DGKD: variants seen among roughly 807,000 people sequenced by gnomAD.
The protein encoded by DGKD is diacylglycerol kinase delta.
A neutral mutation model predicts 154.4 loss-of-function variants in DGKD; 68 were observed. The ratio of observed to expected loss-of-function variants is 0.44; its 90% CI spans 0.36 to 0.54. The LOEUF (loss-of-function observed/expected upper bound fraction) is 0.54, where lower values mean the gene tolerates loss of function less well. Ranked by LOEUF, DGKD falls within the 20% of genes least tolerant of loss-of-function variation. The pLI is 0.00. For missense variants in DGKD, 1,343 were observed against 1,593.6 expected (o/e 0.84, Z 2.68); for synonymous variants, 693 against 638.0 (o/e 1.09, Z -1.30).
intron 1 of DGKD, among the ~76,000 whole-genome samples, chr2:233,359,559 T>G (rs1043875244): frequency 6.6e-6 from 1 of 151,788 alleles, no homozygotes; most frequent in East Asian, 1.9e-4. Context: ...CAGCTCAGGC[T>G]GGTCTGAGTC....
chr2:233,450,910 GTGT>G lies in DGKD; in HGVS notation c.2039-7_2039-5del. ...CCACACAGCTGTAAGGTTTTCTGCT[GTGT>G]TGTTACAGTGTCGAAATCTCCGTGT... On this transcript the variant is annotated splice_polypyrimidine_tract_variant and intron_variant, in intron 16 of 29. Coordinates refer to ENST00000264057, the MANE Select transcript of DGKD (RefSeq NM_152879.3). The G allele has an allele frequency of 6.3e-7, 1 of 1,594,370 alleles. No homozygotes were observed. Among genetic ancestry groups the G allele is most frequent in the Non-Finnish European group, 8.6e-7 (1 of 1,163,414 alleles).
intron 1 of DGKD, among the ~76,000 whole-genome samples, chr2:233,368,673 C>T (rs983836111): frequency 1.2e-4 from 19 of 152,122 alleles, no homozygotes; most frequent in African/African-American, 3.1e-4. Flanking sequence ...GTTTCTCTCC[C>T]CCCAACCCTA....
intron 1 of DGKD, among the ~76,000 whole-genome samples, chr2:233,383,880 A>G (rs1019293160): frequency 3.3e-5 from 5 of 152,186 alleles, no homozygotes; most frequent in African/African-American, 1.2e-4. Context: ...TTCTGATGAT[A>G]GCATTGAGGG....
chr2:233,448,500 A>G, intron 14 of DGKD, 125 bp downstream of exon 14: 1 of 798,452 alleles, frequency 1.3e-6, no homozygotes, highest in Non-Finnish European at 2.0e-6. Context: ...ATTAGACAAA[A>G]CGCACAGTAA....
In DGKD at chr2:233,419,634, C is replaced by T. The variant is rs1484956153; in HGVS notation, c.349-14746C>T. On this transcript the variant is annotated intron_variant, in intron 3 of 29. Coordinates refer to ENST00000264057, the MANE Select transcript of DGKD (RefSeq NM_152879.3). ...ACTTTACTCATGTGCTAGAAACATT[C>T]TGTGGTTCTCACCTGGCCAGACAGA... Among the ~76,000 whole-genome samples the T allele has an allele frequency of 5.9e-5, 9 of 152,184 alleles. 1 individual carries two copies.
intron 1 of DGKD, among the ~76,000 whole-genome samples, chr2:233,373,291 A>C (rs1418324283): frequency 6.6e-6 from 1 of 152,234 alleles, no homozygotes; most frequent in African/African-American, 2.4e-5. Context: ...ATAAGATGGA[A>C]TAGGAAATAA....
intron 3 of DGKD, among the ~76,000 whole-genome samples, chr2:233,412,758 A>G (rs1024992408): frequency 6.6e-6 from 1 of 152,096 alleles, no homozygotes; most frequent in Non-Finnish European, 1.5e-5. Flanking sequence ...CAGTTTGAGG[A>G]TGTTCTTTAC....
chr2:233,382,675 C>T (rs531383884), intron 1 of DGKD, among the ~76,000 whole-genome samples: 23 of 152,232 alleles, frequency 1.5e-4, no homozygotes, highest in South Asian at 1.5e-3. Context: ...TCTTTTACTG[C>T]GTAAATGTGG....
At chr2:233,414,079 C>G (rs1220027176) in intron 3 of DGKD, among the ~76,000 whole-genome samples, 1 of 152,162 alleles carries the variant, frequency 6.6e-6, no homozygotes, top group Non-Finnish European at 1.5e-5. Context: ...ATATGATTCC[C>G]TGACTGGGAA....
At chr2:233,394,691 CTTTTT>C (rs1162430401) in intron 3 of DGKD, among the ~76,000 whole-genome samples, 2 of 26,386 alleles carry the variant, frequency 7.6e-5, no homozygotes, top group Non-Finnish European at 1.3e-4. Flanking sequence ...ATTTAATTCC[CTTTTT>C]TTTTTTTTTT....
At position 233,435,809 on chromosome 2, in the gene DGKD, C is replaced by G; in HGVS notation, c.587-9C>G. 6.2e-7 allele frequency: 1 copy of G among 1,610,250 alleles called. No homozygotes were observed. The highest frequency in any genetic ancestry group is 8.5e-7 in the Non-Finnish European group (1 of 1,178,054). On this transcript the variant is annotated splice_polypyrimidine_tract_variant and intron_variant, in intron 5 of 29. Coordinates refer to ENST00000264057, the MANE Select transcript of DGKD (RefSeq NM_152879.3). ...CAGCTTGTAGGCTCATGTGCCCCTTCTCTCACAGTGTGCAAATTTAAGGCC... is the reference window on the plus strand; with the variant it reads ...CAGCTTGTAGGCTCATGTGCCCCTTGTCTCACAGTGTGCAAATTTAAGGCC...
intron 26 of DGKD, 71 bp from the exon 27 acceptor site, chr2:233,464,092 AC>A (rs2063752419): frequency 1.9e-6 from 3 of 1,594,436 alleles, no homozygotes; most frequent in Non-Finnish European, 1.7e-6. Context: ...AGCGGACCTC[AC>A]CCCCCTGGGC....
chr2:233,457,054 G>A lies in DGKD; in HGVS notation c.2472+59G>A, dbSNP rs1277522341. 6.9e-7 allele frequency: 1 copy of A among 1,440,508 alleles called. No individual in the cohort carries two copies. The highest frequency in any genetic ancestry group is 9.8e-7 in the Non-Finnish European group (1 of 1,022,720). 89.2% of individuals were successfully genotyped at this position (1,440,508 alleles called of 1,614,324 possible). On this transcript the variant is annotated intron_variant, in intron 20 of 29. Coordinates refer to ENST00000264057, the MANE Select transcript of DGKD (RefSeq NM_152879.3). This position sits in a 1 kb window ranked among gnomAD's most constrained non-coding sequence, Gnocchi z 5.5. Reference sequence around the variant, plus strand: ...GCCTCCATCCATCAGCAGACTGCCAGGCCTATTGCTTCTCCTGTTGACCAT... The same window carrying A: ...GCCTCCATCCATCAGCAGACTGCCAAGCCTATTGCTTCTCCTGTTGACCAT...
chr2:233,378,541 T>C (rs1390634632), intron 1 of DGKD, among the ~76,000 whole-genome samples: 2 of 152,220 alleles, frequency 1.3e-5, no homozygotes, highest in African/African-American at 2.4e-5. Flanking sequence ...TGATCCACTG[T>C]GCTCAGCCTT....
chr2:233,467,227 G>A (rs1001238451), intron 28 of DGKD, 24 bp downstream of exon 28: 1 of 1,545,328 alleles, frequency 6.5e-7, no homozygotes, highest in Admixed American at 1.7e-5. Flanking sequence ...TCCCGCGTGT[G>A]TTTCTGGCCG....
At chr2:233,375,168 G>A (rs568467408) in intron 1 of DGKD, among the ~76,000 whole-genome samples, 2 of 152,264 alleles carry the variant, frequency 1.3e-5, no homozygotes, top group East Asian at 1.9e-4. Flanking sequence ...GCACACGCCC[G>A]TAGTCCCAGC....
In DGKD at chr2:233,459,722, G is replaced by T. The variant is rs1264461567; in HGVS notation, c.2695-35G>T. ...CACTTTTAAACCCCTGGGGGTTTTG[G>T]CTCAGCATGAGTAATGGCTATGATG... On this transcript the variant is annotated intron_variant, in intron 22 of 29. Transcript: ENST00000264057. This position sits in a 1 kb window ranked among gnomAD's most constrained non-coding sequence, Gnocchi z 5.7. The T allele has an allele frequency of 6.2e-7, 1 of 1,605,322 alleles. No homozygotes were observed. The highest frequency in any genetic ancestry group is 8.5e-7 in the Non-Finnish European group (1 of 1,174,900).
rs1222031379 is a variant in DGKD at position 233,460,404 on chromosome 2, C to T, written c.2981+59C>T. Reference sequence around the variant, plus strand: ...CTCCCCCAGGGTCCCTGGGACTGCACTCTTCCAAGGCCCCTGGGGCGTGGA... The same window carrying T: ...CTCCCCCAGGGTCCCTGGGACTGCATTCTTCCAAGGCCCCTGGGGCGTGGA... On this transcript the variant is annotated intron_variant, in intron 24 of 29. Transcript: ENST00000264057. 2.5e-6 allele frequency: 4 copies of T among 1,594,250 alleles called. No homozygotes were observed. In the South Asian group the frequency reaches 3.4e-5, roughly 13 times the overall value.
intron 3 of DGKD, among the ~76,000 whole-genome samples, chr2:233,422,549 G>A (rs1008915998): frequency 2.6e-5 from 4 of 152,174 alleles, no homozygotes; most frequent in African/African-American, 9.7e-5. Flanking sequence ...TGTGTCGGCT[G>A]TGTCCACATA....
Sources: gnomAD v4.1 joint callset for allele counts (sites outside exome capture counted in the v4.1 genomes callset) on GRCh38, gnomAD v4.1.1 for gene constraint, Gnocchi (gnomAD v3.1) non-coding constraint, MANE v1.5 for transcripts, NCBI Gene and HGNC (gene_info 2026-07-23, HGNC 2026-07-21) for gene names.